PIP5K1B: variants seen among roughly 807,000 people sequenced by gnomAD.
The protein encoded by PIP5K1B is phosphatidylinositol-4-phosphate 5-kinase type 1 beta.
In PIP5K1B, 42 loss-of-function variants were observed where a neutral mutation model predicts 67.0. The observed-to-expected ratio is 0.63, with a 90% CI of 0.49 to 0.81. The LOEUF (loss-of-function observed/expected upper bound fraction) is 0.81. Ranked by LOEUF, PIP5K1B falls within the 30% of genes least tolerant of loss-of-function variation. PIP5K1B has a pLI of 0.00. For missense variants in PIP5K1B, 459 were observed against 646.3 expected (o/e 0.71, Z 3.14); for synonymous variants, 214 against 231.4 (o/e 0.92, Z 0.68).
chr9:69,003,305 C>T (rs1017223311), intron 15 of PIP5K1B, among the ~76,000 whole-genome samples: 7 of 151,982 alleles, frequency 4.6e-5, no homozygotes, highest in African/African-American at 1.5e-4. Flanking sequence ...AAATGAAACA[C>T]GGGACTAAGC....
intron 12 of PIP5K1B, among the ~76,000 whole-genome samples, chr9:68,930,100 T>C (rs561255889): frequency 6.6e-6 from 1 of 152,360 alleles, no homozygotes; most frequent in South Asian, 2.1e-4. Context: ...TTCTCCTCCT[T>C]GGTATCCTTT....
chr9:68,895,654 T>G (rs984747294), intron 8 of PIP5K1B, among the ~76,000 whole-genome samples: 2 of 151,968 alleles, frequency 1.3e-5, no homozygotes, highest in African/African-American at 4.8e-5. Flanking sequence ...TTTCTTCCTT[T>G]CTGCCTGTTA....
chr9:68,943,954 C>A (rs1827682685), intron 14 of PIP5K1B, among the ~76,000 whole-genome samples: 2 of 152,072 alleles, frequency 1.3e-5, no homozygotes, highest in African/African-American at 4.8e-5. Flanking sequence ...AGAATTATTC[C>A]TTTTTTTAAA....
At chr9:68,865,012 T>C (rs1160090813) in intron 5 of PIP5K1B, among the ~76,000 whole-genome samples, 1 of 152,224 alleles carries the variant, frequency 6.6e-6, no homozygotes, top group African/African-American at 2.4e-5. Context: ...ATAAAACCTG[T>C]TTGTGGACAT....
chr9:68,716,884 A>G (rs1827659356), intron 1 of PIP5K1B, among the ~76,000 whole-genome samples: 1 of 152,244 alleles, frequency 6.6e-6, no homozygotes, highest in African/African-American at 2.4e-5. Flanking sequence ...TGTGGTATAT[A>G]TACACCATGG....
chr9:68,723,348 A>G (rs1162462401), intron 1 of PIP5K1B, among the ~76,000 whole-genome samples: 1 of 151,970 alleles, frequency 6.6e-6, no homozygotes. Flanking sequence ...TCTTTTGGAT[A>G]TATACCTAAC....
chr9:68,755,512 A>G (rs1564110700), intron 2 of PIP5K1B, among the ~76,000 whole-genome samples: 1 of 152,216 alleles, frequency 6.6e-6, no homozygotes, highest in South Asian at 2.1e-4. Flanking sequence ...TAAGTAACAC[A>G]AGATTTTTCC....
intron 14 of PIP5K1B, among the ~76,000 whole-genome samples, chr9:68,961,832 A>G (rs1395950060): frequency 2.0e-5 from 3 of 151,954 alleles, no homozygotes; most frequent in African/African-American, 7.3e-5. Context: ...CGGAGAATAA[A>G]CCTCCATTCT....
rs114295853 is a variant in PIP5K1B, at chr9:68,757,334, T to C, written c.-86+14677T>C. The stretch of plus-strand genomic sequence containing the variant: ...TCAGTAAAAAATTACATTTGTGACA[T>C]GGAAGGTGGCTTAAAAGAAAGAGGT... On this transcript the variant is annotated intron_variant, in intron 2 of 15. Transcript: ENST00000265382. Among the ~76,000 whole-genome samples the C allele has an allele frequency of 3.9e-3, 593 of 152,228 alleles. 3 individuals carry two copies. The highest frequency in any genetic ancestry group is 0.013 in the African/African-American group (544 of 41,540).
At chr9:68,922,677 A>G (rs1826471385) in intron 11 of PIP5K1B, among the ~76,000 whole-genome samples, 1 of 152,124 alleles carries the variant, frequency 6.6e-6, no homozygotes, top group Non-Finnish European at 1.5e-5. Context: ...TTCAGCCCTA[A>G]AGACTCCTGC....
chr9:68,991,519 G>A (rs1356788880), intron 15 of PIP5K1B, among the ~76,000 whole-genome samples: 1 of 152,184 alleles, frequency 6.6e-6, no homozygotes, highest in East Asian at 1.9e-4. Flanking sequence ...GCAAAGTAGG[G>A]CTCCTTAGTG....
chr9:68,922,386 C>T, intron 11 of PIP5K1B, among the ~76,000 whole-genome samples: 1 of 149,760 alleles, frequency 6.7e-6, no homozygotes, highest in African/African-American at 2.5e-5. Flanking sequence ...TCACTTGAAT[C>T]CGGGAGGCGG....
intron 2 of PIP5K1B, among the ~76,000 whole-genome samples, chr9:68,757,101 A>G (rs1829963258): frequency 1.3e-5 from 2 of 152,280 alleles, no homozygotes; most frequent in East Asian, 1.9e-4. Flanking sequence ...AGTTGTTCCA[A>G]CATACTTAGC....
intron 4 of PIP5K1B, among the ~76,000 whole-genome samples, chr9:68,826,852 A>G (rs538401586): frequency 4.1e-4 from 62 of 152,262 alleles, no homozygotes; most frequent in Non-Finnish European, 4.1e-4. Context: ...CCCGGGTTCA[A>G]GCGATTCTCC....
At chr9:68,810,860 T>A (rs1184962590) in intron 2 of PIP5K1B, among the ~76,000 whole-genome samples, 1 of 152,252 alleles carries the variant, frequency 6.6e-6, no homozygotes, top group Non-Finnish European at 1.5e-5. Flanking sequence ...ACCTTTTGAT[T>A]GCACTTACAA....
intron 1 of PIP5K1B, among the ~76,000 whole-genome samples, chr9:68,728,471 G>T (rs773606895): frequency 1.3e-5 from 2 of 152,050 alleles, no homozygotes; most frequent in Non-Finnish European, 2.9e-5. Context: ...CATATTGGGG[G>T]TATGGATTCC....
chr9:68,856,453 G>A (rs1822784295), intron 4 of PIP5K1B, among the ~76,000 whole-genome samples: 1 of 152,072 alleles, frequency 6.6e-6, no homozygotes, highest in South Asian at 2.1e-4. Flanking sequence ...CACTTTTCAG[G>A]TCTCAGCCTA....
At chr9:68,917,485 A>G in intron 8 of PIP5K1B, 63 bp from the exon 9 acceptor site, 2 of 1,129,194 alleles carry the variant, frequency 1.8e-6, no homozygotes, top group Non-Finnish European at 2.7e-6. Flanking sequence ...CTCTCTGATA[A>G]TGAGTAGATG....
At chr9:68,856,893 A>G (rs907423154) in intron 4 of PIP5K1B, among the ~76,000 whole-genome samples, 5 of 152,236 alleles carry the variant, frequency 3.3e-5, no homozygotes, top group African/African-American at 1.2e-4. Context: ...GAACCTATTA[A>G]GAAGACATTG....
Sources: allele counts gnomAD v4.1 joint callset (sites outside exome capture counted in the v4.1 genomes callset), GRCh38; gene constraint gnomAD v4.1.1; transcripts MANE v1.5; gene names NCBI Gene and HGNC (gene_info 2026-07-23, HGNC 2026-07-21).